BBS2: variants seen among roughly 807,000 people sequenced by gnomAD.
The protein encoded by BBS2 is Bardet-Biedl syndrome 2, also known as BBSome complex member BBS2.
In BBS2, 62 loss-of-function variants were observed where a neutral mutation model predicts 83.0. The observed-to-expected ratio is 0.75, with a 90% CI of 0.61 to 0.92. BBS2 has a LOEUF of 0.92. Among genes scored for constraint, BBS2 ranks in the 40% least tolerant of loss-of-function variants. BBS2 has a pLI of 0.00. For missense variants in BBS2, 784 were observed against 901.0 expected (o/e 0.87, Z 1.66); for synonymous variants, 303 against 326.1 (o/e 0.93, Z 0.76).
chr16:56,489,242 G>A (rs1403947974), intron 15 of BBS2, among the ~76,000 whole-genome samples: 1 of 152,200 alleles, frequency 6.6e-6, no homozygotes, highest in Non-Finnish European at 1.5e-5. Context: ...TCAGGAGGCT[G>A]AGGTAGGAGG....
rs1461988620 is a variant in BBS2 at position 56,498,462 on chromosome 16, T to C, written c.1634A>G (p.His545Arg). Reference sequence around the variant, plus strand: ...CTCTCCACTAAGTTTTATTTTTATATGCAGGTGGCCGCCATTCCGTAAAGA... The same window carrying C: ...CTCTCCACTAAGTTTTATTTTTATACGCAGGTGGCCGCCATTCCGTAAAGA... ...FTSLRNGGHL[H>R]IKIKLSGEIT... The change falls in exon 13 of 17, where the codon CAT (histidine) becomes CGT (arginine). Residue 545 changes from histidine (H) to arginine (R), a missense_variant. Transcript: ENST00000245157. 7 of 1,613,968 alleles carry C rather than the reference T, an allele frequency of 4.3e-6. No homozygotes were observed. The highest frequency in any genetic ancestry group is 5.9e-6 in the Non-Finnish European group (7 of 1,180,004).
At chr16:56,508,436 A>G (rs1416904933) in intron 5 of BBS2, among the ~76,000 whole-genome samples, 18 of 152,288 alleles carry the variant, frequency 1.2e-4, no homozygotes, top group African/African-American at 4.3e-4. Flanking sequence ...TCCACTTACA[A>G]CGTTCACAAG....
intron 15 of BBS2, among the ~76,000 whole-genome samples, chr16:56,492,435 G>T (rs1009538745): frequency 6.6e-6 from 1 of 152,162 alleles, no homozygotes; most frequent in Admixed American, 6.5e-5. Context: ...TTATATATTT[G>T]CATGGAGTAT....
intron 15 of BBS2, among the ~76,000 whole-genome samples, chr16:56,488,013 C>T (rs1963830461): frequency 6.6e-6 from 1 of 152,124 alleles, no homozygotes; most frequent in Non-Finnish European, 1.5e-5. Flanking sequence ...GATGGTTACA[C>T]ATTATGAACG....
At chr16:56,513,163 A>C (rs1964626445) in intron 2 of BBS2, among the ~76,000 whole-genome samples, 1 of 152,206 alleles carries the variant, frequency 6.6e-6, no homozygotes, top group Admixed American at 6.5e-5. Context: ...GAAAACAAAA[A>C]CAAAAAGAAA....
chr16:56,514,505 G>T lies in BBS2; in HGVS notation c.293C>A (p.Thr98Asn), dbSNP rs1214338400. ...GYDALLVGTQTNLLAYDVYNN... is the reference protein window; with the variant it reads ...GYDALLVGTQNNLLAYDVYNN... The stretch of plus-strand genomic sequence containing the variant: ...GTAGACATCATAAGCCAAAAGATTA[G>T]TCTGTGTCCCCACTAAAAGGGCATC... Residue 98 changes from threonine (T) to asparagine (N), a missense_variant, in exon 2 of 17, where the codon ACT becomes AAT. Physicochemically the swap from Thr to Asn is moderately conservative, Grantham distance 65. Transcript: ENST00000245157. The T allele has an allele frequency of 2.5e-6, 4 of 1,614,128 alleles. No individual in the cohort carries two copies. The highest frequency in any genetic ancestry group is 3.4e-6 in the Non-Finnish European group (4 of 1,180,018).
At chr16:56,485,014 C>G (rs1963736097) in intron 16 of BBS2, 147 bp from the exon 17 acceptor site, 1 of 699,550 alleles carries the variant, frequency 1.4e-6, no homozygotes, top group African/African-American at 1.8e-5. Flanking sequence ...AAAAAAATAA[C>G]TTGGTGAGGG....
chr16:56,509,301 A>C (rs1964510581), intron 5 of BBS2: 1 of 153,262 alleles, frequency 6.5e-6, no homozygotes, highest in African/African-American at 2.4e-5. Context: ...CTGGAGTTCA[A>C]CACCAGCCTG....
intron 2 of BBS2, among the ~76,000 whole-genome samples, chr16:56,513,172 A>C (rs193177303): frequency 1.2e-3 from 183 of 152,270 alleles, no homozygotes; most frequent in Middle Eastern, 6.8e-3. Context: ...AACAAAAAGA[A>C]AGAAAACCAT....
rs374060552 is a variant in BBS2, at chr16:56,511,248, A to G, written c.382T>C (p.Leu128=). The G allele has an allele frequency of 2.4e-5, 38 of 1,614,014 alleles. No homozygotes were observed. Among genetic ancestry groups the G allele is most frequent in the Middle Eastern group, 3.3e-4 (2 of 6,082 alleles). Residue 128 remains leucine (L), a synonymous_variant, in exon 3 of 17, where the codon TTG becomes CTG. Transcript: ENST00000245157. Reference sequence around the variant, plus strand: ...GCAAGAGGGGAAGAAATGTCTCCCAATGTCCCCAGCACAATTGCATTTGCC... The same window carrying G: ...GCAAGAGGGGAAGAAATGTCTCCCAGTGTCCCCAGCACAATTGCATTTGCC... ...DGANAIVLGT[L]GDISSPLAII...
At chr16:56,490,631 ACT>A (rs761738369) in intron 15 of BBS2, among the ~76,000 whole-genome samples, 54 of 152,118 alleles carry the variant, frequency 3.5e-4, no homozygotes, top group Middle Eastern at 3.4e-3. Flanking sequence ...ACAGAGTGAG[ACT>A]CTGTCTCAAA....
At chr16:56,508,590 G>A (rs1025783725) in intron 5 of BBS2, among the ~76,000 whole-genome samples, 5 of 152,092 alleles carry the variant, frequency 3.3e-5, no homozygotes, top group African/African-American at 9.7e-5. Context: ...TCTTTAGATA[G>A]TGCTTTTTGC....
At chr16:56,511,384 A>T (rs1181139704) in intron 2 of BBS2, 100 bp from the exon 3 acceptor site, 2 of 1,511,750 alleles carry the variant, frequency 1.3e-6, no homozygotes, top group South Asian at 2.3e-5. Context: ...ATTTTGAGTA[A>T]AACAGATTAT....
intron 17 of BBS2, among the ~76,000 whole-genome samples, chr16:56,473,602 A>T (rs1298474533): frequency 6.6e-6 from 1 of 152,134 alleles, no homozygotes; most frequent in Non-Finnish European, 1.5e-5. Flanking sequence ...GCAAACTGTT[A>T]TATTTTCTTT....
chr16:56,503,857 T>C (rs1964349718), intron 7 of BBS2, among the ~76,000 whole-genome samples: 1 of 150,804 alleles, frequency 6.6e-6, no homozygotes, highest in African/African-American at 2.5e-5. Context: ...AGGCGGAGGT[T>C]GCAGTGAGCC....
intron 11 of BBS2, 159 bp downstream of exon 11, chr16:56,500,695 C>A: frequency 1.5e-6 from 1 of 652,366 alleles, no homozygotes; most frequent in Admixed American, 2.9e-5. Context: ...TTACAGGTTT[C>A]AAACTGAGGA....
At chr16:56,480,353 A>ACAAAAAAAAAAC (rs1387438150), downstream of BBS2, among the ~76,000 whole-genome samples, 2 of 98,754 alleles carry the variant, frequency 2.0e-5, no homozygotes, top group African/African-American at 9.4e-5. Flanking sequence ...ACACACACAC[A>ACAAAAAAAAAAC]AAAAAAAAAA....
At chr16:56,482,479 T>C (rs1343364056), downstream of BBS2, among the ~76,000 whole-genome samples, 6 of 152,152 alleles carry the variant, frequency 3.9e-5, no homozygotes, top group Non-Finnish European at 7.4e-5. Context: ...GATGATACTT[T>C]ACTACTTTGG....
At chr16:56,479,287 A>G (rs1166980912) in intron 17 of BBS2, among the ~76,000 whole-genome samples, 3 of 152,206 alleles carry the variant, frequency 2.0e-5, no homozygotes, top group Non-Finnish European at 4.4e-5. Flanking sequence ...CAGCCTGGCC[A>G]ACATGGTGAA....
Sources: allele counts gnomAD v4.1 joint callset (sites outside exome capture counted in the v4.1 genomes callset), GRCh38; gene constraint gnomAD v4.1.1; transcripts MANE v1.5; gene names NCBI Gene and HGNC (gene_info 2026-07-23, HGNC 2026-07-21).